DIDO1: variants seen among roughly 807,000 people sequenced by gnomAD.
DIDO1 encodes death inducer-obliterator 1, also known as death-inducer obliterator 1.
A neutral mutation model predicts 99.4 loss-of-function variants in DIDO1; 16 were observed. The ratio of observed to expected loss-of-function variants is 0.16; its 90% CI spans 0.11 to 0.24. DIDO1 has a LOEUF of 0.24. DIDO1 is among the 10% of genes least tolerant of loss of function. The probability of loss-of-function intolerance (pLI) is 1.00; values close to 1 mark genes in which losing one functional copy is unlikely to be tolerated. For missense variants in DIDO1, 2,996 were observed against 3,014.0 expected (o/e 0.99, Z 0.14); for synonymous variants, 1,366 against 1,239.1 (o/e 1.10, Z -2.15).
chr20:62,887,913 CGGGGCAGA>C (rs986141876), intron 15 of DIDO1: 9 of 985,452 alleles, frequency 9.1e-6, no homozygotes, highest in Middle Eastern at 5.2e-4. Flanking sequence ...GCCCCCACTG[CGGGGCAGA>C]GGGGCAGAGG....
intron 15 of DIDO1, chr20:62,887,252 C>G (rs2064311028): frequency 1.6e-5 from 16 of 985,454 alleles, no homozygotes; most frequent in Non-Finnish European, 1.9e-5. Context: ...GAGGAGAAGG[C>G]AGTACATTCC....
chr20:62,896,117 A>AGGATCACAGCGGC lies in DIDO1; in HGVS notation c.2214+115_2214+116insGCCGCTGTGATCC. The AGGATCACAGCGGC allele has an allele frequency of 8.6e-7, 1 of 1,160,144 alleles. No individual in the cohort carries two copies. The highest frequency in any genetic ancestry group is 1.2e-6 in the Non-Finnish European group (1 of 821,068). The allele number at this position is 1,160,144 out of a possible 1,614,324, so 71.9% of individuals were successfully genotyped here. ...GGCGGCAGAAGGATCACAGAGGAGA[A>AGGATCACAGCGGC]AGAAACGTCTTAGCTTTCCTGGAAA... On this transcript the variant is annotated intron_variant, in intron 8 of 15. Transcript: ENST00000395343. This position sits in a 1 kb window ranked among gnomAD's most constrained non-coding sequence, Gnocchi z 4.4.
chr20:62,879,263 G>A lies in DIDO1; in HGVS notation c.6693C>T (p.Ala2231=). 3 of 1,556,016 alleles carry A rather than the reference G, an allele frequency of 1.9e-6. No homozygotes were observed. The highest frequency in any genetic ancestry group is 2.6e-6 in the Non-Finnish European group (3 of 1,155,900). The change falls in exon 16 of 16, where the codon GCC becomes GCT. Residue 2231 remains alanine (A), a synonymous_variant. Coordinates refer to ENST00000395343, the MANE Select transcript of DIDO1 (RefSeq NM_001193369.2). This position sits in a 1 kb window ranked among gnomAD's most constrained non-coding sequence, Gnocchi z 6.3. ...CCTGCGAGGCGGTGCCAGCGTCGGA[G>A]GCCCTCGAGGCCTCGGGCTTCGGGT... ...ARDPKPEASR[A]SDAGTASQA
rs2064159609 is a variant in DIDO1 at position 62,879,524 on chromosome 20, G to C, written c.6432C>G (p.Ser2144Arg). 1.3e-6 allele frequency: 2 copies of C among 1,599,476 alleles called. No individual in the cohort carries two copies. Among genetic ancestry groups the C allele is most frequent in the Middle Eastern group, 1.6e-4 (1 of 6,082 alleles). Residue 2144 changes from serine (S) to arginine (R), a missense_variant, in exon 16 of 16, where the codon AGC becomes AGG. Ser to Arg is a moderately radical substitution (Grantham distance 110). This residue lies in a region of DIDO1 where 1,562 missense variants were observed against 1,412.6 expected (regional missense o/e 1.11). Transcript: ENST00000395343. The surrounding 1 kb of genome is among the most constrained non-coding windows in gnomAD (Gnocchi z 6.3). ...EWDRHRDKDSSRDWDRNRERS... is the reference protein window; with the variant it reads ...EWDRHRDKDSRRDWDRNRERS... ...TCTCCCGGTTTCTGTCCCAGTCCCG[G>C]CTGGAGTCCTTGTCCCGGTGTCGGT... is the stretch of plus-strand genomic sequence containing the variant.
intron 1 of DIDO1, among the ~76,000 whole-genome samples, chr20:62,933,203 TTC>T (rs2065348483): frequency 6.6e-6 from 1 of 151,606 alleles, no homozygotes; most frequent in Non-Finnish European, 1.5e-5. Context: ...AAGAGTGAAA[TTC>T]TGTCTCAAAC....
At chr20:62,908,091 C>T (rs2064846498) in intron 4 of DIDO1, among the ~76,000 whole-genome samples, 1 of 152,064 alleles carries the variant, frequency 6.6e-6, no homozygotes, top group African/African-American at 2.4e-5. Flanking sequence ...GTGATCCTCC[C>T]ACCCCAGCCT....
At chr20:62,937,328 G>A (rs1443053280) in intron 1 of DIDO1, among the ~76,000 whole-genome samples, 5 of 152,210 alleles carry the variant, frequency 3.3e-5, no homozygotes, top group African/African-American at 9.6e-5. Flanking sequence ...GCAAGTAAAC[G>A]CGCAAATACC....
Position 62,881,460 on chromosome 20 carries a change from GCTT to G in DIDO1, c.4493_4495del (p.Glu1498del), listed in dbSNP as rs970102445. 1.2e-6 allele frequency: 2 copies of G among 1,609,676 alleles called. No individual in the cohort carries two copies. Among genetic ancestry groups the G allele is most frequent in the South Asian group, 1.1e-5 (1 of 91,074 alleles). On this transcript the variant is annotated inframe_deletion, in exon 16 of 16. Coordinates refer to ENST00000395343, the MANE Select transcript of DIDO1 (RefSeq NM_001193369.2). The surrounding 1 kb of genome is among the most constrained non-coding windows in gnomAD (Gnocchi z 8.3). The stretch of plus-strand genomic sequence containing the variant: ...GACGGCGGCCCTCTGCTGCCTGAGA[GCTT>G]CTTCTTGCTCCTCCAGCTGTCTCTT...
intron 1 of DIDO1, among the ~76,000 whole-genome samples, chr20:62,936,327 G>A (rs566687217): frequency 2.1e-3 from 325 of 152,160 alleles, no homozygotes; most frequent in Non-Finnish European, 3.9e-3. Flanking sequence ...GCCGAGGTGG[G>A]TGATCATTTG....
intron 15 of DIDO1, among the ~76,000 whole-genome samples, chr20:62,886,431 A>C (rs2064299117): frequency 1.3e-5 from 2 of 152,336 alleles, no homozygotes; most frequent in Admixed American, 1.3e-4. Flanking sequence ...ATCAGACCAC[A>C]CGCACAGGAA....
intron 6 of DIDO1, among the ~76,000 whole-genome samples, chr20:62,900,392 G>C (rs1183122793): frequency 1.3e-5 from 2 of 152,234 alleles, no homozygotes; most frequent in African/African-American, 4.8e-5. Flanking sequence ...AAAGCAGAAG[G>C]CTGGCTGGCT....
chr20:62,880,836 T>A lies in DIDO1; in HGVS notation c.5120A>T (p.His1707Leu), dbSNP rs143370037. The change falls in exon 16 of 16, where the codon CAT (histidine) becomes CTT (leucine). Residue 1707 changes from histidine to leucine, a missense_variant. By Grantham distance (99) the His-to-Leu change is moderately conservative (BLOSUM62 -3). This residue lies in a region of DIDO1 where 1,562 missense variants were observed against 1,412.6 expected (regional missense o/e 1.11). Transcript: ENST00000395343. Reference sequence around the variant, plus strand: ...AGGGCTGCTGCTCCTTCCAGCAGAATGAAGATTTCTTGGGTCCTCATACTG... The same window carrying A: ...AGGGCTGCTGCTCCTTCCAGCAGAAAGAAGATTTCTTGGGTCCTCATACTG... The part of the protein sequence containing the change: ...SAQYEDPRNL[H>L]SAGRSSSPAG... 4.5e-4 allele frequency: 722 copies of A among 1,612,734 alleles called. 6 individuals are homozygous for A. In the Middle Eastern group the frequency reaches 5.3e-3, roughly 12 times the overall value.
Position 62,880,318 on chromosome 20 carries a change from C to T in DIDO1, c.5638G>A (p.Gly1880Arg). Residue 1880 changes from glycine to arginine, a missense_variant, in exon 16 of 16, where the codon GGA (glycine) becomes AGA (arginine). By Grantham distance (125) the Gly-to-Arg change is moderately radical. Transcript: ENST00000395343. ...FEGTEQAPFL[G>R]SRGGAPFQFG... ...TGGAAAGGCGCGCCGCCTCTGCTTC[C>T]CAGAAATGGGGCTTGCTCTGTCCCT... 2 of 1,612,808 alleles carry T rather than the reference C, an allele frequency of 1.2e-6. No individual in the cohort carries two copies. The highest frequency in any genetic ancestry group is 1.7e-5 in the Admixed American group (1 of 60,030).
chr20:62,889,043 C>T (rs553396045), intron 15 of DIDO1: 37 of 985,502 alleles, frequency 3.8e-5, no homozygotes, highest in African/African-American at 2.1e-4. Context: ...CCCCGTCAGG[C>T]GGCGTCGTGG....
chr20:62,881,930 G>C lies in DIDO1; in HGVS notation c.4026C>G (p.Leu1342=). ...CTGCTGTGGTTTTGGGCTCCTGGGG[G>C]AGACCTGCGGTGGACCCGGGAGGCT... is the stretch of plus-strand genomic sequence containing the variant. ...AREPPGSTAG[L]PQEPKTTAED... Residue 1342 remains leucine, a synonymous_variant, in exon 16 of 16, where the codon CTC becomes CTG. Transcript: ENST00000395343. This position sits in a 1 kb window ranked among gnomAD's most constrained non-coding sequence, Gnocchi z 8.3. The C allele has an allele frequency of 6.2e-7, 1 of 1,613,450 alleles. No individual in the cohort carries two copies. The highest frequency in any genetic ancestry group is 8.5e-7 in the Non-Finnish European group (1 of 1,180,048).
rs761147539 is a variant in DIDO1 at position 62,894,504 on chromosome 20, C to T, written c.2481G>A (p.Ala827=). 94 of 1,612,946 alleles carry T rather than the reference C, an allele frequency of 5.8e-5. No individual in the cohort carries two copies. The highest frequency in any genetic ancestry group is 1.7e-4 in the Middle Eastern group (1 of 5,944). The part of the protein sequence containing the change: ...SARAVPEKST[A]PLLDVFSSML... The stretch of plus-strand genomic sequence containing the variant: ...TGCTGCTGAAGACGTCGAGAAGCGG[C>T]GCTGTGCTCTTCTCAGGGACAGCAC... Residue 827 remains alanine, a synonymous_variant, in exon 11 of 16, where the codon GCG becomes GCA. Transcript: ENST00000395343. The surrounding 1 kb of genome is among the most constrained non-coding windows in gnomAD (Gnocchi z 4.4).
chr20:62,906,287 G>A (rs370380626), intron 5 of DIDO1, among the ~76,000 whole-genome samples, 187 bp from the exon 6 acceptor site: 3 of 152,120 alleles, frequency 2.0e-5, no homozygotes, highest in Admixed American at 1.3e-4. Flanking sequence ...CGGTGGGCCC[G>A]CAGTTTCCCC....
intron 6 of DIDO1, among the ~76,000 whole-genome samples, chr20:62,899,434 T>A (rs2064611806): frequency 6.6e-6 from 1 of 152,102 alleles, no homozygotes; most frequent in Non-Finnish European, 1.5e-5. Flanking sequence ...TTTCTCCAGA[T>A]CGTAAGTGTT....
At chr20:62,910,218 T>C (rs1300713832) in intron 3 of DIDO1, among the ~76,000 whole-genome samples, 198 bp from the exon 4 acceptor site, 3 of 152,204 alleles carry the variant, frequency 2.0e-5, no homozygotes, top group Admixed American at 6.5e-5. Context: ...GAGTAGCGCA[T>C]TTTAGGAGCA....
Sources: allele counts gnomAD v4.1 joint callset (sites outside exome capture counted in the v4.1 genomes callset), GRCh38; gene constraint gnomAD v4.1.1; regional missense constraint gnomAD v4.1.1; non-coding constraint Gnocchi (gnomAD v3.1); transcripts MANE v1.5; gene names NCBI Gene and HGNC (gene_info 2026-07-23, HGNC 2026-07-21).